The following RORA variants were observed in gnomAD, a reference collection of about 807,000 sequenced individuals.
RORA encodes the protein nuclear receptor ROR-alpha.
RORA carries 7 observed loss-of-function variants against 69.5 expected under a neutral mutation model. That is an observed-to-expected ratio of 0.10 (90% confidence interval 0.06 to 0.19). The LOEUF is 0.19. RORA is among the 10% of genes least tolerant of loss of function. RORA has a pLI of 1.00. For missense variants in RORA, 457 were observed against 663.0 expected, an observed-to-expected ratio of 0.69 and a Z score of 3.41; for synonymous variants, 261 against 240.8, an observed-to-expected ratio of 1.08 and a Z score of -0.78.
intron 1 of RORA, among the ~76,000 whole-genome samples, chr15:60,778,223 TTTTG>T (rs138545305): frequency 0.46 from 53,485 of 116,556 alleles, 9,852 homozygotes; most frequent in East Asian, 0.63. Flanking sequence ...AGGTTTTTGT[TTTTG>T]TTTGTTTGTT....
At chr15:60,778,735 TG>T (rs1794896113) in intron 1 of RORA, among the ~76,000 whole-genome samples, 1 of 152,210 alleles carries the variant, frequency 6.6e-6, no homozygotes, top group Non-Finnish European at 1.5e-5. Flanking sequence ...CTTCTTTGCA[TG>T]GAAGATAGTT....
chr15:60,539,611 C>G (rs967596660), intron 2 of RORA, among the ~76,000 whole-genome samples: 1 of 152,166 alleles, frequency 6.6e-6, no homozygotes, highest in Non-Finnish European at 1.5e-5. Context: ...AAGACCTGAA[C>G]AGCAAGAGAA....
At chr15:60,694,527 T>C (rs1567159047) in intron 1 of RORA, among the ~76,000 whole-genome samples, 1 of 152,240 alleles carries the variant, frequency 6.6e-6, no homozygotes. Context: ...GATGGTGTAT[T>C]GTTGTGCACA....
At position 61,005,332 on chromosome 15, in the gene RORA, T is replaced by A. The variant is rs536091682; in HGVS notation, c.166+223721A>T. 3.3e-5 allele frequency among the ~76,000 whole-genome samples: 5 copies of A among 152,100 alleles called. No homozygotes were observed. In the East Asian group the frequency reaches 9.7e-4, roughly 29 times the overall value. ...CCACCTTTACTAAAAATACAAAAAA[T>A]AGCCAGTCGTGGTGGCAGGCGCCTG... On this transcript the variant is annotated intron_variant, in intron 1 of 10. Transcript: ENST00000335670.
Position 60,658,387 on chromosome 15 carries a change from A to G in RORA, c.196+20270T>C, listed in dbSNP as rs536798096. On this transcript the variant is annotated intron_variant, in intron 2 of 10. Transcript: ENST00000335670. ...TTCTCTTATCCTTGGTGCTTTCCAT[A>G]TAGTAGGAGGTCAGGGAGATCAAGG... 9.9e-5 allele frequency among the ~76,000 whole-genome samples: 15 copies of G among 152,232 alleles called. No homozygotes were observed. The South Asian group carries it at 2.9e-3, about 29-fold the overall frequency.
At chr15:60,971,053 T>C (rs1411582802) in intron 1 of RORA, among the ~76,000 whole-genome samples, 6 of 152,154 alleles carry the variant, frequency 3.9e-5, no homozygotes, top group African/African-American at 1.4e-4. Context: ...TTCTTTGTTT[T>C]TGGATGAGAA....
intron 1 of RORA, among the ~76,000 whole-genome samples, chr15:60,922,764 A>G (rs1892091547): frequency 6.6e-6 from 1 of 152,220 alleles, no homozygotes; most frequent in African/African-American, 2.4e-5. Flanking sequence ...CTTCCTAAAA[A>G]CACCCAGAGT....
At chr15:60,853,582 C>G (rs1175846665) in intron 1 of RORA, among the ~76,000 whole-genome samples, 1 of 152,194 alleles carries the variant, frequency 6.6e-6, no homozygotes, top group African/African-American at 2.4e-5. Flanking sequence ...TAAAACATCT[C>G]ATGACAACCC....
intron 1 of RORA, among the ~76,000 whole-genome samples, chr15:60,892,410 G>C (rs562968678): frequency 6.6e-6 from 1 of 152,290 alleles, no homozygotes; most frequent in East Asian, 1.9e-4. Flanking sequence ...AGAAAAACTT[G>C]AAGCTTTTGC....
intron 1 of RORA, among the ~76,000 whole-genome samples, chr15:60,895,030 G>T (rs141915873): frequency 1.3e-3 from 201 of 152,238 alleles, no homozygotes; most frequent in African/African-American, 4.6e-3. Flanking sequence ...AACACCAGAA[G>T]GCTTAAAAAC....
Position 61,226,321 on chromosome 15 carries a change from A to C in RORA, c.166+2732T>G, listed in dbSNP as rs1010070050. ...CTCCTGGAGGTTGAAAATGCTAATC[A>C]TAAGGTGATGATGTTTGCTTTTCCT... On this transcript the variant is annotated intron_variant, in intron 1 of 10. Coordinates refer to ENST00000335670, the MANE Select transcript of RORA (RefSeq NM_134261.3). This position sits in a 1 kb window ranked among gnomAD's most constrained non-coding sequence, Gnocchi z 4.2. 6.6e-6 allele frequency among the ~76,000 whole-genome samples: 1 copy of C among 152,168 alleles called. No homozygotes were observed. Among genetic ancestry groups the C allele is most frequent in the African/African-American group, 2.4e-5 (1 of 41,440 alleles).
intron 3 of RORA, chr15:60,529,219 T>C (rs2066455625): frequency 6.6e-6 from 1 of 152,220 alleles, no homozygotes; most frequent in South Asian, 2.1e-4. Context: ...ATCTATTTGA[T>C]ATGTCTAATG....
intron 1 of RORA, among the ~76,000 whole-genome samples, chr15:61,143,575 C>A (rs2079319965): frequency 6.6e-6 from 1 of 152,104 alleles, no homozygotes; most frequent in African/African-American, 2.4e-5. Context: ...TATTAGCAAA[C>A]CAACAATCTT....
chr15:61,049,668 T>G (rs865815855), intron 1 of RORA, among the ~76,000 whole-genome samples: 1 of 152,128 alleles, frequency 6.6e-6, no homozygotes, highest in Non-Finnish European at 1.5e-5. Context: ...TTTTTTCTTT[T>G]TTTCTTTCTG....
At chr15:60,841,710 G>A (rs1316370580) in intron 1 of RORA, among the ~76,000 whole-genome samples, 2 of 152,210 alleles carry the variant, frequency 1.3e-5, no homozygotes, top group South Asian at 2.1e-4. Context: ...CACCTGGTCA[G>A]TCCATTTTCT....
intron 1 of RORA, among the ~76,000 whole-genome samples, chr15:61,075,997 T>C (rs1420098389): frequency 6.6e-6 from 1 of 152,248 alleles, no homozygotes; most frequent in East Asian, 1.9e-4. Context: ...GGAGGCTGTC[T>C]CAAAGCCAGC....
At chr15:60,583,785 T>A (rs1310783778) in intron 2 of RORA, among the ~76,000 whole-genome samples, 1 of 152,220 alleles carries the variant, frequency 6.6e-6, no homozygotes, top group Non-Finnish European at 1.5e-5. Flanking sequence ...TCTTCCATGC[T>A]GAAGGGAGTG....
chr15:61,121,406 C>G (rs1406537669), intron 1 of RORA, among the ~76,000 whole-genome samples: 1 of 152,162 alleles, frequency 6.6e-6, no homozygotes, highest in East Asian at 1.9e-4. Context: ...CCATATCTAA[C>G]TCAAGCTCTA....
chr15:60,645,823 G>A (rs1016233281), intron 2 of RORA, among the ~76,000 whole-genome samples: 5 of 151,260 alleles, frequency 3.3e-5, no homozygotes, highest in Non-Finnish European at 7.4e-5. Flanking sequence ...AAAAAATTAA[G>A]GGGCTGATTT....
Sources: gnomAD v4.1 joint callset for allele counts (sites outside exome capture counted in the v4.1 genomes callset) on GRCh38, gnomAD v4.1.1 for gene constraint, Gnocchi (gnomAD v3.1) non-coding constraint, MANE v1.5 for transcripts, NCBI Gene and HGNC (gene_info 2026-07-23, HGNC 2026-07-21) for gene names.